The following ARID1B variants were observed in gnomAD, a reference collection of about 807,000 sequenced individuals.
The protein encoded by ARID1B is AT-rich interaction domain 1B.
ARID1B carries 30 observed loss-of-function variants against 212.3 expected under a neutral mutation model. The observed-to-expected ratio is 0.14, with a 90% CI of 0.11 to 0.19. The LOEUF (loss-of-function observed/expected upper bound fraction) is 0.19. Among genes scored for constraint, ARID1B ranks in the 10% least tolerant of loss-of-function variants. The pLI, the probability that ARID1B is intolerant of heterozygous loss-of-function variation, is 1.00. For missense variants in ARID1B, 2,891 were observed against 3,204.0 expected, an observed-to-expected ratio of 0.90 and a Z score of 2.36; for synonymous variants, 1,402 against 1,301.7, an observed-to-expected ratio of 1.08 and a Z score of -1.66.
intron 5 of ARID1B, among the ~76,000 whole-genome samples, chr6:157,091,594 G>A (rs1412652421): frequency 6.6e-6 from 1 of 152,202 alleles, no homozygotes; most frequent in Non-Finnish European, 1.5e-5. Flanking sequence ...TCCAGTGAGA[G>A]GAAATGATAG....
chr6:156,800,525 G>C (rs1413680246), intron 1 of ARID1B, among the ~76,000 whole-genome samples: 1 of 152,066 alleles, frequency 6.6e-6, no homozygotes, highest in Admixed American at 6.6e-5. Flanking sequence ...GGAGGTGAAG[G>C]TTGCAGTGAC....
intron 7 of ARID1B, among the ~76,000 whole-genome samples, chr6:157,136,063 C>T (rs1372935828): frequency 1.3e-5 from 2 of 152,134 alleles, no homozygotes; most frequent in East Asian, 1.9e-4. Context: ...ATTTATTGAA[C>T]ATGTTACTAT....
At chr6:156,854,527 A>G (rs1037351276) in intron 2 of ARID1B, among the ~76,000 whole-genome samples, 6 of 152,240 alleles carry the variant, frequency 3.9e-5, no homozygotes, top group East Asian at 1.9e-4. Flanking sequence ...AGCTTATTAA[A>G]TAGCCTCTCT....
Position 157,203,810 on chromosome 6 carries a change from G to T in ARID1B, c.5264-56G>T. ...TTTTCTTACTCTTTCGTTAACTTTC[G>T]TTCTTTCATGCATAGAGTCAACATT... On this transcript the variant is annotated intron_variant, in intron 18 of 19. Transcript: ENST00000636930. This position sits in a 1 kb window ranked among gnomAD's most constrained non-coding sequence, Gnocchi z 4.4. 2 of 1,592,504 alleles carry T rather than the reference G, an allele frequency of 1.3e-6. No homozygotes were observed. Among genetic ancestry groups the T allele is most frequent in the Non-Finnish European group, 1.7e-6 (2 of 1,165,134 alleles).
rs2128366454 is a variant in ARID1B, at chr6:157,198,875, G to A, written c.4447G>A (p.Gly1483Arg). Residue 1483 changes from glycine (G) to arginine (R), a missense_variant, in exon 17 of 20, where the codon GGG becomes AGG. Gly to Arg is a moderately radical substitution (Grantham distance 125). Around this residue, in one of 7 missense-constraint regions of ARID1B, gnomAD observed 666 missense variants for 873.5 expected, o/e 0.76. Transcript: ENST00000636930. ...TCCCTCGGGACAGCCGCCGTATGGA[G>A]GGCACCAGCCCGGCCTGTACCCACA... ...GPPSGQPPYG[G>R]HQPGLYPQQP... is the part of the protein sequence containing the mutation. The A allele has an allele frequency of 6.2e-7, 1 of 1,610,090 alleles. No individual in the cohort carries two copies. Among genetic ancestry groups the A allele is most frequent in the African/African-American group, 1.3e-5 (1 of 75,030 alleles).
intron 1 of ARID1B, among the ~76,000 whole-genome samples, chr6:156,788,786 A>G (rs1428032531): frequency 2.6e-5 from 4 of 152,206 alleles, no homozygotes; most frequent in Non-Finnish European, 5.9e-5. Flanking sequence ...CCTCCCTCAA[A>G]TATATAAAGA....
chr6:156,824,172 A>C (rs184025579), intron 1 of ARID1B, among the ~76,000 whole-genome samples: 1 of 152,256 alleles, frequency 6.6e-6, no homozygotes, highest in Admixed American at 6.5e-5. Flanking sequence ...AGGAGGAGGA[A>C]AGTCTTATCA....
chr6:156,853,802 C>G (rs1784736389), intron 2 of ARID1B, among the ~76,000 whole-genome samples: 1 of 152,134 alleles, frequency 6.6e-6, no homozygotes, highest in Admixed American at 6.5e-5. Context: ...AGTGGCACGA[C>G]CACGGCTCAC....
At chr6:156,843,724 A>G (rs1419085515) in intron 2 of ARID1B, among the ~76,000 whole-genome samples, 1 of 152,180 alleles carries the variant, frequency 6.6e-6, no homozygotes, top group Admixed American at 6.5e-5. Context: ...ATTGCTATCC[A>G]TAGCTATTGT....
At chr6:156,987,281 C>T (rs1385933168) in intron 4 of ARID1B, among the ~76,000 whole-genome samples, 1 of 151,464 alleles carries the variant, frequency 6.6e-6, no homozygotes, top group Non-Finnish European at 1.5e-5. Flanking sequence ...GAGATAATTA[C>T]AGCTAATATT....
chr6:156,858,309 T>C (rs1785090482), intron 2 of ARID1B, among the ~76,000 whole-genome samples: 1 of 152,152 alleles, frequency 6.6e-6, no homozygotes, highest in Admixed American at 6.5e-5. Context: ...GATGTAGTGT[T>C]TGATAGCACA....
chr6:156,985,303 C>T (rs1328834914), intron 4 of ARID1B: 1 of 152,212 alleles, frequency 6.6e-6, no homozygotes, highest in Non-Finnish European at 1.5e-5. Context: ...ATAATATCCG[C>T]TGCATTGATA....
chr6:156,935,878 G>A (rs769022642), intron 4 of ARID1B: 3 of 292,464 alleles, frequency 1.0e-5, no homozygotes, highest in Admixed American at 9.7e-5. Flanking sequence ...TCTTTAGGCT[G>A]TTGCTTTTTG....
intron 4 of ARID1B, among the ~76,000 whole-genome samples, chr6:156,997,110 G>A (rs1360077686): frequency 6.6e-6 from 1 of 152,176 alleles, no homozygotes; most frequent in Non-Finnish European, 1.5e-5. Flanking sequence ...AAGTACCCGT[G>A]AATGGATGTG....
chr6:156,890,906 T>C (rs1787873986), intron 2 of ARID1B, among the ~76,000 whole-genome samples: 1 of 152,194 alleles, frequency 6.6e-6, no homozygotes, highest in South Asian at 2.1e-4. Flanking sequence ...TGTTGTTTGT[T>C]TTTTCCTTAG....
In ARID1B at chr6:156,779,286, C is replaced by A; in HGVS notation, c.1606C>A (p.Pro536Thr). ...PSAPPPPPSQ[P>T]QSQAAAAGAA... ...CGCGCCGCCGCCGCCGCCGTCGCAG[C>A]CCCAGTCCCAGGCGGCGGCGGCGGG... Residue 536 changes from proline to threonine, a missense_variant, in exon 1 of 20, where the codon CCC (proline) becomes ACC (threonine). Physicochemically the swap from Pro to Thr is conservative, Grantham distance 38. Coordinates refer to ENST00000636930, the MANE Select transcript of ARID1B (RefSeq NM_001374828.1). The A allele has an allele frequency of 8.7e-7, 1 of 1,151,516 alleles. No individual in the cohort carries two copies. The highest frequency in any genetic ancestry group is 1.1e-6 in the Non-Finnish European group (1 of 937,950). The allele number at this position is 1,151,516 out of a possible 1,614,324, so 71.3% of individuals were successfully genotyped here. A position where few individuals can be genotyped will look rare whatever the true frequency, so the allele number is the denominator to read the frequency against.
At chr6:156,915,164 A>G (rs1462284388) in intron 3 of ARID1B, among the ~76,000 whole-genome samples, 1 of 152,214 alleles carries the variant, frequency 6.6e-6, no homozygotes, top group African/African-American at 2.4e-5. Flanking sequence ...TTGGAATTGC[A>G]GATAGTGCTT....
Position 157,206,698 on chromosome 6 carries a change from G to A in ARID1B, c.5926G>A (p.Ala1976Thr), listed in dbSNP as rs183921218. ...RRRPPPPLSS[A>T]GRKKEQEGKG... ...GCGCCCACCTCCCCCCTTAAGCTCC[G>A]CAGGTAGAAAGAAAGAGCAAGAAGG... The change falls in exon 20 of 20, where the codon GCA becomes ACA. Residue 1976 changes from alanine to threonine, a missense_variant. Coordinates refer to ENST00000636930, the MANE Select transcript of ARID1B (RefSeq NM_001374828.1). This position sits in a 1 kb window ranked among gnomAD's most constrained non-coding sequence, Gnocchi z 6.8. 1.6e-5 allele frequency: 25 copies of A among 1,612,644 alleles called. No individual in the cohort carries two copies. Among genetic ancestry groups the A allele is most frequent in the South Asian group, 8.8e-5 (8 of 91,056 alleles).
chr6:157,021,004 C>T (rs1780202956), intron 4 of ARID1B, among the ~76,000 whole-genome samples: 1 of 152,252 alleles, frequency 6.6e-6, no homozygotes, highest in Non-Finnish European at 1.5e-5. Context: ...AGCGCTTGCC[C>T]TGAACAGCGG....
Sources: gnomAD v4.1 joint callset for allele counts (sites outside exome capture counted in the v4.1 genomes callset) on GRCh38, gnomAD v4.1.1 for gene constraint, gnomAD v4.1.1 regional missense constraint, Gnocchi (gnomAD v3.1) non-coding constraint, MANE v1.5 for transcripts, NCBI Gene and HGNC (gene_info 2026-07-23, HGNC 2026-07-21) for gene names.